APBB2: variants seen among roughly 807,000 people sequenced by gnomAD.
The protein encoded by APBB2 is amyloid beta precursor protein binding family B member 2.
In APBB2, 38 loss-of-function variants were observed where a neutral mutation model predicts 82.5. The ratio of observed to expected loss-of-function variants is 0.46; its 90% CI spans 0.36 to 0.60. The LOEUF (loss-of-function observed/expected upper bound fraction) is 0.60, where lower values mean the gene tolerates loss of function less well. Ranked by LOEUF, APBB2 falls within the 20% of genes least tolerant of loss-of-function variation. APBB2 has a pLI of 0.00. For missense variants in APBB2, 772 were observed against 972.3 expected (o/e 0.79, Z 2.74); for synonymous variants, 341 against 368.2 (o/e 0.93, Z 0.85).
At chr4:41,126,490 A>G (rs1209928830) in intron 2 of APBB2, among the ~76,000 whole-genome samples, 4 of 152,224 alleles carry the variant, frequency 2.6e-5, no homozygotes, top group Admixed American at 1.3e-4. Flanking sequence ...TCAAACAGAA[A>G]CATCCATCTT....
chr4:41,111,373 G>A (rs1219206617), intron 2 of APBB2, among the ~76,000 whole-genome samples: 1 of 152,240 alleles, frequency 6.6e-6, no homozygotes, highest in Non-Finnish European at 1.5e-5. Flanking sequence ...CAGTATGTCT[G>A]TGGTGGAGCC....
intron 6 of APBB2, among the ~76,000 whole-genome samples, chr4:40,959,212 A>C (rs904194268): frequency 2.6e-5 from 4 of 152,214 alleles, no homozygotes; most frequent in Non-Finnish European, 5.9e-5. Context: ...TAATCTTTCA[A>C]CTTAATTTTA....
intron 4 of APBB2, among the ~76,000 whole-genome samples, chr4:41,043,765 C>T (rs6815225): frequency 0.96 from 145,486 of 152,260 alleles, 69,859 homozygotes; most frequent in East Asian, 1. Context: ...ACCATTAGTG[C>T]TGTCTATTTT....
At chr4:41,105,603 G>A (rs1458308832) in intron 2 of APBB2, among the ~76,000 whole-genome samples, 1 of 152,088 alleles carries the variant, frequency 6.6e-6, no homozygotes, top group Non-Finnish European at 1.5e-5. Flanking sequence ...ACCAAATATT[G>A]GCCAGGCGCA....
At chr4:41,214,248 A>G (rs1446448223) in intron 1 of APBB2, among the ~76,000 whole-genome samples, 157 bp downstream of exon 1, 1 of 152,118 alleles carries the variant, frequency 6.6e-6, no homozygotes, top group Non-Finnish European at 1.5e-5. Context: ...AGCGGGCAGC[A>G]GTGGCCGCGG....
At chr4:40,823,945 G>A (rs1748912152) in intron 15 of APBB2, among the ~76,000 whole-genome samples, 186 bp from the exon 16 acceptor site, 1 of 152,164 alleles carries the variant, frequency 6.6e-6, no homozygotes, top group Non-Finnish European at 1.5e-5. Flanking sequence ...GCTCACGCCT[G>A]TAATCTCAGC....
Position 40,938,521 on chromosome 4 carries a change from C to T in APBB2, c.1045-3382G>A, listed in dbSNP as rs139357020. Among the ~76,000 whole-genome samples the T allele has an allele frequency of 9.1e-4, 138 of 152,302 alleles. 1 individual carries two copies. The highest frequency in any genetic ancestry group is 3.1e-3 in the African/African-American group (129 of 41,562). ...TTCCACATAGCAAACAAAAATGACG[C>T]ATTATCTTTCAGCTGGAAAAAGGCC... On this transcript the variant is annotated intron_variant, in intron 7 of 17. Coordinates refer to ENST00000508593, the MANE Select transcript of APBB2 (RefSeq NM_004307.2).
At chr4:40,939,515 C>T (rs999035941) in intron 7 of APBB2, among the ~76,000 whole-genome samples, 2 of 152,146 alleles carry the variant, frequency 1.3e-5, no homozygotes, top group African/African-American at 4.8e-5. Flanking sequence ...TTAAGTGTGG[C>T]CTTGATAGTA....
intron 6 of APBB2, among the ~76,000 whole-genome samples, chr4:40,953,897 G>A (rs1052980926): frequency 8.5e-5 from 13 of 152,188 alleles, no homozygotes; most frequent in African/African-American, 3.1e-4. Flanking sequence ...GGAACAGGAA[G>A]CAGGGCCTGG....
At position 40,826,143 on chromosome 4, in the gene APBB2, G is replaced by A. The variant is rs764617276; in HGVS notation, c.1733-173C>T. The A allele has an allele frequency of 7.8e-5, 47 of 602,578 alleles. No homozygotes were observed. Among genetic ancestry groups the A allele is most frequent in the Non-Finnish European group, 1.2e-4 (41 of 331,536 alleles). 37.3% of individuals were successfully genotyped at this position (602,578 alleles called of 1,614,324 possible). On this transcript the variant is annotated intron_variant, in intron 14 of 17. Coordinates refer to ENST00000508593, the MANE Select transcript of APBB2 (RefSeq NM_004307.2). The surrounding 1 kb of genome is among the most constrained non-coding windows in gnomAD (Gnocchi z 4.5). ...CAAGAGCAGCATTACTCCAGATATT[G>A]GGGCTCTGTTAAAATCCTGTTCAAC...
At chr4:41,174,624 C>T (rs957179290) in intron 1 of APBB2, among the ~76,000 whole-genome samples, 1 of 152,186 alleles carries the variant, frequency 6.6e-6, no homozygotes, top group Non-Finnish European at 1.5e-5. Flanking sequence ...AGCCATTAGA[C>T]ATGGTTGCAT....
chr4:41,049,693 G>A (rs1235790584), intron 4 of APBB2, among the ~76,000 whole-genome samples: 1 of 152,212 alleles, frequency 6.6e-6, no homozygotes, highest in African/African-American at 2.4e-5. Flanking sequence ...TAATAGAAAA[G>A]GGGGAAATGT....
At chr4:41,059,645 C>A (rs1729076894) in intron 4 of APBB2, among the ~76,000 whole-genome samples, 1 of 152,252 alleles carries the variant, frequency 6.6e-6, no homozygotes, top group African/African-American at 2.4e-5. Context: ...TTAACTAGCC[C>A]AACCTATTTC....
intron 6 of APBB2, among the ~76,000 whole-genome samples, chr4:41,006,458 A>T (rs559127593): frequency 3.2e-4 from 48 of 152,054 alleles, no homozygotes; most frequent in African/African-American, 9.2e-4. Context: ...TTATTTATTT[A>T]TTTTTTATTT....
chr4:41,112,069 C>T (rs1404867925), intron 2 of APBB2, among the ~76,000 whole-genome samples: 1 of 152,166 alleles, frequency 6.6e-6, no homozygotes, highest in African/African-American at 2.4e-5. Flanking sequence ...CTGAGTTCCA[C>T]AGCAAGGTGA....
chr4:40,939,366 G>A (rs1786239697), intron 7 of APBB2, among the ~76,000 whole-genome samples: 1 of 152,140 alleles, frequency 6.6e-6, no homozygotes, highest in Non-Finnish European at 1.5e-5. Context: ...TCTTAGCACA[G>A]GGACTGGCTG....
intron 1 of APBB2, among the ~76,000 whole-genome samples, chr4:41,183,231 C>T (rs141420873): frequency 1.3e-5 from 2 of 152,322 alleles, no homozygotes; most frequent in East Asian, 1.9e-4. Flanking sequence ...ACCATTGTCT[C>T]GCCTGGCTTT....
At chr4:41,026,508 C>T (rs1274182154) in intron 5 of APBB2, among the ~76,000 whole-genome samples, 1 of 152,150 alleles carries the variant, frequency 6.6e-6, no homozygotes, top group East Asian at 1.9e-4. Flanking sequence ...TTCGTCCCTC[C>T]CTCCAACCCC....
At position 40,821,999 on chromosome 4, in the gene APBB2, C is replaced by T; in HGVS notation, c.1984G>A (p.Gly662Ser). 1 of 1,614,154 alleles carries T rather than the reference C, an allele frequency of 6.2e-7. No homozygotes were observed. The highest frequency in any genetic ancestry group is 1.1e-5 in the South Asian group (1 of 91,088). ...ECRVRFLSFMGVGKDVHTFAF... is the reference protein window; with the variant it reads ...ECRVRFLSFMSVGKDVHTFAF... ...AATGTGTGGACGTCCTTCCCAACAC[C>T]CATGAAGGACAGGAATCGCACACGA... Residue 662 changes from glycine to serine, a missense_variant, in exon 17 of 18, where the codon GGT (glycine) becomes AGT (serine). Coordinates refer to ENST00000508593, the MANE Select transcript of APBB2 (RefSeq NM_004307.2).
Sources: gnomAD v4.1 joint callset for allele counts (sites outside exome capture counted in the v4.1 genomes callset) on GRCh38, gnomAD v4.1.1 for gene constraint, Gnocchi (gnomAD v3.1) non-coding constraint, MANE v1.5 for transcripts, NCBI Gene and HGNC (gene_info 2026-07-23, HGNC 2026-07-21) for gene names.